RBFOX1: variants seen among roughly 807,000 people sequenced by gnomAD.
RBFOX1 encodes RNA binding fox-1 homolog 1.
In RBFOX1, 8 loss-of-function variants were observed where a neutral mutation model predicts 57.7. That is an observed-to-expected ratio of 0.14 (90% CI 0.08 to 0.25). RBFOX1 has a LOEUF of 0.25. RBFOX1 is among the 10% of genes least tolerant of loss of function. RBFOX1 has a pLI of 1.00. For synonymous variants in RBFOX1, 326 were observed against 222.4 expected, an observed-to-expected ratio of 1.47 and a Z score of -4.15; for missense variants, 611 against 548.5, an observed-to-expected ratio of 1.11 and a Z score of -1.14.
intron 2 of RBFOX1, among the ~76,000 whole-genome samples, chr16:5,533,631 T>A (rs1342755499): frequency 6.6e-6 from 1 of 152,192 alleles, no homozygotes; most frequent in Non-Finnish European, 1.5e-5. Flanking sequence ...TTATCACTCC[T>A]GATGAAGATT....
At chr16:7,529,666 C>T (rs1410908149) in intron 5 of RBFOX1, among the ~76,000 whole-genome samples, 1 of 152,256 alleles carries the variant, frequency 6.6e-6, no homozygotes, top group African/African-American at 2.4e-5. Flanking sequence ...TCTGTCCAGC[C>T]TCTGAAGATA....
chr16:5,819,937 T>C (rs529807419), intron 3 of RBFOX1, among the ~76,000 whole-genome samples: 1 of 152,312 alleles, frequency 6.6e-6, no homozygotes, highest in African/African-American at 2.4e-5. Context: ...TCTGCTGGCC[T>C]TTATCGTCGC....
chr16:5,519,443 G>A (rs2043926037), intron 2 of RBFOX1, among the ~76,000 whole-genome samples: 1 of 152,216 alleles, frequency 6.6e-6, no homozygotes, highest in Non-Finnish European at 1.5e-5. Flanking sequence ...AATAGGCTGA[G>A]CTGGGTATGG....
At chr16:7,335,826 A>C (rs1258335330) in intron 4 of RBFOX1, among the ~76,000 whole-genome samples, 1 of 152,118 alleles carries the variant, frequency 6.6e-6, no homozygotes, top group South Asian at 2.1e-4. Context: ...TGAACCCATT[A>C]TTTTATGTCT....
intron 4 of RBFOX1, among the ~76,000 whole-genome samples, chr16:7,068,871 G>A (rs2056736727): frequency 6.6e-6 from 1 of 152,214 alleles, no homozygotes; most frequent in African/African-American, 2.4e-5. Context: ...TTTCAGGCAT[G>A]AGCCACCGCG....
chr16:7,062,542 T>C (rs866158866), intron 4 of RBFOX1, among the ~76,000 whole-genome samples: 1 of 152,240 alleles, frequency 6.6e-6, no homozygotes, highest in Middle Eastern at 3.4e-3. Context: ...AGTACTTTAT[T>C]ATTCTATTTG....
At chr16:6,956,741 G>A (rs1194518667) in intron 3 of RBFOX1, among the ~76,000 whole-genome samples, 1 of 152,200 alleles carries the variant, frequency 6.6e-6, no homozygotes, top group African/African-American at 2.4e-5. Context: ...CATCTTCGAT[G>A]GTCTTGTGGT....
At chr16:7,501,938 G>C (rs938006798) in intron 4 of RBFOX1, among the ~76,000 whole-genome samples, 6 of 152,172 alleles carry the variant, frequency 3.9e-5, no homozygotes, top group Non-Finnish European at 8.8e-5. Flanking sequence ...ACATAGCACA[G>C]TCCCTGACAT....
At chr16:6,604,016 T>C (rs17140720) in intron 2 of RBFOX1, among the ~76,000 whole-genome samples, 9,475 of 152,134 alleles carry the variant, frequency 0.062, 383 homozygotes, top group African/African-American at 0.1. Context: ...CTGTGGTCCT[T>C]TCATGTAGCT....
intron 5 of RBFOX1, among the ~76,000 whole-genome samples, chr16:7,558,534 G>T (rs1468311427): frequency 5.9e-5 from 9 of 151,780 alleles, no homozygotes; most frequent in African/African-American, 1.2e-4. Context: ...ATATTAATAT[G>T]TATATACATA....
At chr16:5,718,367 C>T (rs1226895166) in intron 3 of RBFOX1, among the ~76,000 whole-genome samples, 1 of 152,190 alleles carries the variant, frequency 6.6e-6, no homozygotes, top group Non-Finnish European at 1.5e-5. Flanking sequence ...CTCCACCTGA[C>T]CCACAGACAC....
At chr16:6,587,041 A>G (rs1374909110) in intron 2 of RBFOX1, among the ~76,000 whole-genome samples, 4 of 152,058 alleles carry the variant, frequency 2.6e-5, no homozygotes, top group African/African-American at 4.8e-5. Flanking sequence ...GAGAACACTT[A>G]AAATCTATTC....
At chr16:5,628,552 C>A (rs1461628105) in intron 3 of RBFOX1, among the ~76,000 whole-genome samples, 1 of 152,182 alleles carries the variant, frequency 6.6e-6, no homozygotes, top group Non-Finnish European at 1.5e-5. Flanking sequence ...GGAAACAACT[C>A]AAACATAAAG....
intron 3 of RBFOX1, among the ~76,000 whole-genome samples, chr16:6,855,675 T>G (rs997106987): frequency 6.6e-6 from 1 of 151,726 alleles, no homozygotes. Flanking sequence ...AAAAGATCTT[T>G]TAACTCTGGA....
intron 1 of RBFOX1, among the ~76,000 whole-genome samples, chr16:6,131,882 A>G (rs2096632219): frequency 6.6e-6 from 1 of 152,142 alleles, no homozygotes; most frequent in Admixed American, 6.6e-5. Flanking sequence ...TGAGAGGTTA[A>G]AGATAGGATG....
intron 4 of RBFOX1, among the ~76,000 whole-genome samples, chr16:7,481,537 G>C (rs932454051): frequency 6.6e-6 from 1 of 152,172 alleles, no homozygotes. Context: ...CTGCTAGGCT[G>C]ATTTGAAAGT....
intron 10 of RBFOX1, among the ~76,000 whole-genome samples, chr16:7,620,743 C>G (rs889511012): frequency 6.6e-6 from 1 of 152,176 alleles, no homozygotes; most frequent in African/African-American, 2.4e-5. Flanking sequence ...CCAAGTATCA[C>G]CATTGATAAA....
At chr16:6,257,125 A>G (rs2097672767) in intron 1 of RBFOX1, among the ~76,000 whole-genome samples, 1 of 152,084 alleles carries the variant, frequency 6.6e-6, no homozygotes, top group Non-Finnish European at 1.5e-5. Context: ...ATTTCATTTT[A>G]AGTTCCAGGA....
At chr16:6,416,560 T>A (rs1031963633) in intron 2 of RBFOX1, among the ~76,000 whole-genome samples, 1 of 152,148 alleles carries the variant, frequency 6.6e-6, no homozygotes, top group Admixed American at 6.6e-5. Flanking sequence ...CAGAAACAGA[T>A]AAGAAAGAGT....
Sources: allele counts gnomAD v4.1 joint callset (sites outside exome capture counted in the v4.1 genomes callset), GRCh38; gene constraint gnomAD v4.1.1; transcripts MANE v1.5; gene names NCBI Gene and HGNC (gene_info 2026-07-23, HGNC 2026-07-21).